RICTOR: variants seen among roughly 807,000 people sequenced by gnomAD.
RICTOR encodes RPTOR independent companion of MTOR complex 2, also known as rapamycin-insensitive companion of mTOR.
Under a neutral mutation model 214.9 loss-of-function variants are expected in RICTOR, and 49 were observed. The observed-to-expected ratio is 0.23, with a 90% CI of 0.18 to 0.29. The LOEUF is 0.29. Ranked by LOEUF, RICTOR falls within the 10% of genes least tolerant of loss-of-function variation. RICTOR has a pLI of 1.00. For missense variants in RICTOR, 1,625 were observed against 2,047.0 expected (o/e 0.79, Z 3.98); for synonymous variants, 717 against 711.3 (o/e 1.01, Z -0.13).
intron 9 of RICTOR, 132 bp from the exon 10 acceptor site, chr5:38,975,736 A>AGCG: frequency 1.5e-6 from 1 of 647,986 alleles, no homozygotes; most frequent in South Asian, 2.0e-5. Flanking sequence ...AAAACAAGAC[A>AGCG]AAGATCAGAT....
At chr5:39,009,162 C>G (rs550960628) in intron 3 of RICTOR, among the ~76,000 whole-genome samples, 9 of 152,146 alleles carry the variant, frequency 5.9e-5, no homozygotes, top group African/African-American at 1.9e-4. Flanking sequence ...GGTTTTTCCC[C>G]TAAGTGTGTA....
chr5:39,040,438 C>G (rs187079949), intron 2 of RICTOR, among the ~76,000 whole-genome samples: 1 of 151,936 alleles, frequency 6.6e-6, no homozygotes, highest in East Asian at 1.9e-4. Flanking sequence ...GCACGCTGTG[C>G]ACATGTACCC....
At chr5:39,045,214 C>T (rs561158425) in intron 2 of RICTOR, among the ~76,000 whole-genome samples, 15 of 152,162 alleles carry the variant, frequency 9.9e-5, no homozygotes, top group Non-Finnish European at 2.1e-4. Flanking sequence ...TGAGTATATA[C>T]AAAGAATTCA....
chr5:39,019,146 C>G (rs1360711165), intron 3 of RICTOR, among the ~76,000 whole-genome samples: 1 of 152,004 alleles, frequency 6.6e-6, no homozygotes, highest in Non-Finnish European at 1.5e-5. Flanking sequence ...GAATGGTTCA[C>G]GAGGTTAAAG....
intron 3 of RICTOR, among the ~76,000 whole-genome samples, chr5:39,020,419 A>G (rs1755325995): frequency 1.3e-5 from 2 of 152,358 alleles, no homozygotes; most frequent in Admixed American, 6.5e-5. Flanking sequence ...CACTACTCTG[A>G]TAAGGCAGCA....
intron 37 of RICTOR, 101 bp from the exon 38 acceptor site, chr5:38,942,479 T>C (rs546174640): frequency 1.4e-4 from 77 of 542,226 alleles, no homozygotes; most frequent in Non-Finnish European, 2.2e-4. Flanking sequence ...AGATAGGGTC[T>C]TGCTCAGTCT....
intron 2 of RICTOR, among the ~76,000 whole-genome samples, chr5:39,070,460 A>T (rs142787912): frequency 0.04 from 6,124 of 152,088 alleles, 311 homozygotes; most frequent in East Asian, 0.27. Context: ...TGGGCGACAG[A>T]GCGAGACTCC....
In RICTOR at chr5:38,945,017, G is replaced by C. The variant is rs1748017496; in HGVS notation, c.4685C>G (p.Pro1562Arg). ...AAACTTAGAGGGAACCACTTCTAAAGGATTATGGATAGTCTGCTCACACCA... is the reference window on the plus strand; with the variant it reads ...AAACTTAGAGGGAACCACTTCTAAACGATTATGGATAGTCTGCTCACACCA... ...SDWCEQTIHN[P>R]LEVVPSKFSG... Residue 1562 changes from proline (P) to arginine (R), a missense_variant, in exon 35 of 38, where the codon CCT becomes CGT. Physicochemically the swap from Pro to Arg is moderately radical, Grantham distance 103. Around this residue, in one of 5 missense-constraint regions of RICTOR, gnomAD observed 1,214 missense variants for 1,470.5 expected, o/e 0.83. Coordinates refer to ENST00000357387, the MANE Select transcript of RICTOR (RefSeq NM_152756.5). 1 of 1,611,480 alleles carries C rather than the reference G, an allele frequency of 6.2e-7. No homozygotes were observed. Among genetic ancestry groups the C allele is most frequent in the Non-Finnish European group, 8.5e-7 (1 of 1,177,746 alleles).
chr5:38,958,328 A>G (rs1456115691), intron 24 of RICTOR, 115 bp downstream of exon 24: 1 of 689,652 alleles, frequency 1.5e-6, no homozygotes, highest in Non-Finnish European at 2.6e-6. Flanking sequence ...CAATGTTTCA[A>G]TATTAAAAGG....
intron 2 of RICTOR, among the ~76,000 whole-genome samples, chr5:39,060,543 C>G (rs377013776): frequency 4.0e-5 from 6 of 151,876 alleles, no homozygotes; most frequent in African/African-American, 1.5e-4. Flanking sequence ...GTCTTCACCC[C>G]ACCCCAACAC....
At chr5:39,026,956 C>T (rs751049708) in intron 2 of RICTOR, among the ~76,000 whole-genome samples, 59 of 151,910 alleles carry the variant, frequency 3.9e-4, no homozygotes, top group African/African-American at 9.2e-4. Context: ...TGTGGTGAGC[C>T]GAGATCGCAC....
At chr5:39,067,278 A>G (rs10057192) in intron 2 of RICTOR, among the ~76,000 whole-genome samples, 9,849 of 152,196 alleles carry the variant, frequency 0.065, 664 homozygotes, top group African/African-American at 0.17. Context: ...ATGGCAAAGT[A>G]GGAGTGAGAA....
At chr5:39,013,240 C>T (rs918183752) in intron 3 of RICTOR, among the ~76,000 whole-genome samples, 1 of 152,080 alleles carries the variant, frequency 6.6e-6, no homozygotes, top group Admixed American at 6.5e-5. Context: ...GAGTATAACA[C>T]GTTAAACTTA....
Position 38,963,015 on chromosome 5 carries a change from A to G in RICTOR, c.1427T>C (p.Leu476Ser). 6.2e-7 allele frequency: 1 copy of G among 1,612,956 alleles called. No individual in the cohort carries two copies. Among genetic ancestry groups the G allele is most frequent in the Non-Finnish European group, 8.5e-7 (1 of 1,179,246 alleles). ...TTTCTTCATTTCATGGAAGCGTTTT[A>G]AACAGTTCAAGGCTGCACTGGCTCG... ...RLRASAALNC[L>S]KRFHEMKKRG... The change falls in exon 17 of 38, where the codon TTA becomes TCA. Residue 476 changes from leucine to serine, a missense_variant. Coordinates refer to ENST00000357387, the MANE Select transcript of RICTOR (RefSeq NM_152756.5).
At chr5:39,021,181 T>C in intron 2 of RICTOR, 45 bp from the exon 3 acceptor site, 1 of 1,072,554 alleles carries the variant, frequency 9.3e-7, no homozygotes, top group South Asian at 1.2e-5. Context: ...TATGAGTATT[T>C]TCCTGTTCAA....
intron 24 of RICTOR, 76 bp downstream of exon 24, chr5:38,958,367 A>G: frequency 1.1e-6 from 1 of 901,596 alleles, no homozygotes; most frequent in Non-Finnish European, 1.9e-6. Context: ...TCCCATTTGG[A>G]TTTGAATCTA....
intron 30 of RICTOR, among the ~76,000 whole-genome samples, chr5:38,951,269 G>C (rs956085619): frequency 6.6e-6 from 1 of 151,902 alleles, no homozygotes; most frequent in Non-Finnish European, 1.5e-5. Context: ...AATTCTACTA[G>C]AAGACGCAAC....
At position 38,942,298 on chromosome 5, in the gene RICTOR, A is replaced by G. The variant is rs947453820; in HGVS notation, c.*6T>C. ...GTATGTATCTATATCCATCATAAATATGAGGTCAGGATTCAGCAGATGTAT... is the reference window on the plus strand; with the variant it reads ...GTATGTATCTATATCCATCATAAATGTGAGGTCAGGATTCAGCAGATGTAT... On this transcript the variant is annotated 3_prime_UTR_variant, in exon 38 of 38. Coordinates refer to ENST00000357387, the MANE Select transcript of RICTOR (RefSeq NM_152756.5). The G allele has an allele frequency of 1.9e-6, 3 of 1,553,232 alleles. No homozygotes were observed. Among genetic ancestry groups the G allele is most frequent in the Non-Finnish European group, 2.7e-6 (3 of 1,129,660 alleles).
Position 38,950,402 on chromosome 5 carries a change from G to C in RICTOR, c.3446C>G (p.Pro1149Arg). The C allele has an allele frequency of 6.2e-7, 1 of 1,612,892 alleles. No homozygotes were observed. Among genetic ancestry groups the C allele is most frequent in the Non-Finnish European group, 8.5e-7 (1 of 1,179,216 alleles). ...TAATGTTTTCTGTACAGTGGATATG[G>C]GTGTAAAATCATCACTATGATTAAA... ...VDFNHSDDFT[P>R]ISTVQKTLQL... is the part of the protein sequence containing the mutation. Residue 1149 changes from proline to arginine, a missense_variant, in exon 31 of 38, where the codon CCC becomes CGC. Around this residue, in one of 5 missense-constraint regions of RICTOR, gnomAD observed 1,214 missense variants for 1,470.5 expected, o/e 0.83. Coordinates refer to ENST00000357387, the MANE Select transcript of RICTOR (RefSeq NM_152756.5).
Sources: gnomAD v4.1 joint callset for allele counts (sites outside exome capture counted in the v4.1 genomes callset) on GRCh38, gnomAD v4.1.1 for gene constraint, gnomAD v4.1.1 regional missense constraint, MANE v1.5 for transcripts, NCBI Gene and HGNC (gene_info 2026-07-23, HGNC 2026-07-21) for gene names.